DPYD: variants seen among roughly 807,000 people sequenced by gnomAD.
DPYD encodes the protein dihydropyrimidine dehydrogenase, also known as dihydropyrimidine dehydrogenase [NADP(+)].
In DPYD, 109 loss-of-function variants were observed where a neutral mutation model predicts 116.2. The ratio of observed to expected loss-of-function variants is 0.94; its 90% CI spans 0.80 to 1.10. The LOEUF is 1.10. DPYD is among the 50% of genes least tolerant of loss of function. The pLI is 0.00. For synonymous variants in DPYD, 440 were observed against 432.0 expected (o/e 1.02, Z -0.23); for missense variants, 1,302 against 1,254.5 (o/e 1.04, Z -0.57).
At chr1:97,613,922 T>G (rs112654416) in intron 8 of DPYD, among the ~76,000 whole-genome samples, 2 of 152,028 alleles carry the variant, frequency 1.3e-5, no homozygotes, top group Non-Finnish European at 2.9e-5. Context: ...CTTTACTAGC[T>G]CATCCTTTTA....
chr1:97,617,476 T>A (rs1023958296), intron 8 of DPYD, among the ~76,000 whole-genome samples: 45 of 152,214 alleles, frequency 3.0e-4, no homozygotes, highest in African/African-American at 1.0e-3. Context: ...TATATTTACA[T>A]TGGAATTCTT....
At chr1:97,349,492 G>T (rs148648822) in intron 16 of DPYD, among the ~76,000 whole-genome samples, 17,497 of 151,730 alleles carry the variant, frequency 0.12, 1,195 homozygotes, top group South Asian at 0.19. Flanking sequence ...GCTATCCCTC[G>T]CCCCTGCCCC....
chr1:97,417,855 G>A (rs762886567), intron 14 of DPYD, among the ~76,000 whole-genome samples: 11 of 152,086 alleles, frequency 7.2e-5, no homozygotes, highest in Middle Eastern at 3.2e-3. Context: ...CAGTAACACT[G>A]TCTCTCTGGG....
At chr1:97,776,812 C>G (rs767201715) in intron 3 of DPYD, among the ~76,000 whole-genome samples, 24 of 152,226 alleles carry the variant, frequency 1.6e-4, no homozygotes, top group Non-Finnish European at 2.9e-4. Context: ...AATAGGAAAC[C>G]TGCTTAAAGT....
chr1:97,248,750 TTA>T (rs1319198081), intron 18 of DPYD, among the ~76,000 whole-genome samples: 2 of 152,088 alleles, frequency 1.3e-5, no homozygotes, highest in Admixed American at 1.3e-4. Flanking sequence ...AAATCAGACT[TTA>T]TGTTAAAAAA....
At chr1:97,216,922 T>A (rs532029755) in intron 19 of DPYD, among the ~76,000 whole-genome samples, 1 of 151,356 alleles carries the variant, frequency 6.6e-6, no homozygotes, top group Admixed American at 6.6e-5. Context: ...AAACCTTAAT[T>A]GAGGATCTGG....
intron 1 of DPYD, among the ~76,000 whole-genome samples, chr1:97,888,227 C>T (rs1177754669): frequency 6.6e-6 from 1 of 151,960 alleles, no homozygotes; most frequent in Non-Finnish European, 1.5e-5. Context: ...TGATATGAAA[C>T]ATTCACTAGA....
chr1:97,449,292 C>A (rs1180069198), intron 14 of DPYD, among the ~76,000 whole-genome samples: 1 of 151,468 alleles, frequency 6.6e-6, no homozygotes, highest in Non-Finnish European at 1.5e-5. Flanking sequence ...ACTAACAATT[C>A]ATTGAAAGAA....
At chr1:97,529,777 C>A (rs1178726036) in intron 12 of DPYD, among the ~76,000 whole-genome samples, 2 of 128,424 alleles carry the variant, frequency 1.6e-5, no homozygotes, top group African/African-American at 3.0e-5. Context: ...TTTCTTCTTT[C>A]TTTCTCTTTT....
In DPYD at chr1:97,717,702, C is replaced by T. The variant is rs576992892; in HGVS notation, c.483+3808G>A. 5.9e-5 allele frequency among the ~76,000 whole-genome samples: 9 copies of T among 152,098 alleles called. No individual in the cohort carries two copies. In the South Asian group the frequency reaches 1.9e-3, roughly 32 times the overall value. On this transcript the variant is annotated intron_variant, in intron 5 of 22. Transcript: ENST00000370192. ...ATGAGTGAGAACATATGATGTTTGG[C>T]TTCCATTCCTGAGTTACTTCATTTA...
At chr1:97,479,735 T>C (rs553654178) in intron 13 of DPYD, among the ~76,000 whole-genome samples, 1 of 152,290 alleles carries the variant, frequency 6.6e-6, no homozygotes, top group East Asian at 1.9e-4. Flanking sequence ...CAAAGCACAA[T>C]GAAACAAGGT....
At chr1:97,706,475 A>G (rs1214114391) in intron 5 of DPYD, among the ~76,000 whole-genome samples, 1 of 151,986 alleles carries the variant, frequency 6.6e-6, no homozygotes, top group Non-Finnish European at 1.5e-5. Context: ...CATCATACAC[A>G]ATAGTTTCTT....
intron 16 of DPYD, among the ~76,000 whole-genome samples, chr1:97,309,095 T>C (rs1183427169): frequency 2.6e-5 from 4 of 151,892 alleles, no homozygotes; most frequent in African/African-American, 4.8e-5. Flanking sequence ...CCCAGCTATA[T>C]TTTATGACAA....
At chr1:97,303,209 A>C (rs1666965727) in intron 18 of DPYD, among the ~76,000 whole-genome samples, 1 of 152,038 alleles carries the variant, frequency 6.6e-6, no homozygotes, top group Non-Finnish European at 1.5e-5. Context: ...GGCAATGAAA[A>C]GTATGTATTG....
At chr1:97,352,460 T>G (rs769938462) in intron 16 of DPYD, among the ~76,000 whole-genome samples, 9 of 152,006 alleles carry the variant, frequency 5.9e-5, no homozygotes, top group Middle Eastern at 3.4e-3. Flanking sequence ...AATGAAAGAA[T>G]GAGCAGACAG....
chr1:97,398,123 T>C (rs2101625278), intron 14 of DPYD, among the ~76,000 whole-genome samples: 1 of 152,148 alleles, frequency 6.6e-6, no homozygotes, highest in East Asian at 1.9e-4. Flanking sequence ...CAGGCCCCGG[T>C]GTGTGATGTT....
chr1:97,549,810 T>A, intron 11 of DPYD, 66 bp from the exon 12 acceptor site: 2 of 1,375,080 alleles, frequency 1.5e-6, no homozygotes, highest in East Asian at 2.5e-5. Context: ...ACAATAATTT[T>A]AAAATTAAGA....
At chr1:97,123,837 T>C (rs1489358761) in intron 20 of DPYD, among the ~76,000 whole-genome samples, 3 of 152,126 alleles carry the variant, frequency 2.0e-5, no homozygotes, top group Admixed American at 1.3e-4. Context: ...TAGTTGCTGC[T>C]GTGTTTCGGC....
chr1:97,901,262 A>T (rs1387028385), intron 1 of DPYD, among the ~76,000 whole-genome samples: 1 of 151,836 alleles, frequency 6.6e-6, no homozygotes, highest in Non-Finnish European at 1.5e-5. Flanking sequence ...TTCTATGGGC[A>T]GCTAATATTA....
Sources: gnomAD v4.1 joint callset for allele counts (sites outside exome capture counted in the v4.1 genomes callset) on GRCh38, gnomAD v4.1.1 for gene constraint, MANE v1.5 for transcripts, NCBI Gene and HGNC (gene_info 2026-07-23, HGNC 2026-07-21) for gene names.